GET1: variants seen among roughly 807,000 people sequenced by gnomAD.
GET1 encodes the protein congenital heart disease 5 protein.
A neutral mutation model predicts 22.6 loss-of-function variants in GET1; 20 were observed. That is an observed-to-expected ratio of 0.89 (90% CI 0.62 to 1.29). The LOEUF is 1.29. Ranked by LOEUF, GET1 falls within the 50% of genes most tolerant of loss-of-function variation. GET1 has a pLI of 0.00. For synonymous variants in GET1, 92 were observed against 83.8 expected (o/e 1.10, Z -0.53); for missense variants, 209 against 219.9 (o/e 0.95, Z 0.31).
intron 1 of GET1, among the ~76,000 whole-genome samples, chr21:39,425,417 A>C (rs1026298631): frequency 2.0e-5 from 3 of 152,210 alleles, no homozygotes; most frequent in African/African-American, 7.2e-5. Flanking sequence ...AACATCAATA[A>C]CTGGTGGCCT....
chr21:39,422,663 CAG>C, intron 1 of GET1: 1 of 433,374 alleles, frequency 2.3e-6, no homozygotes, highest in Non-Finnish European at 4.0e-6. Context: ...CTTTTCAGCA[CAG>C]GGAAAAAGTC....
rs2038304782 is a variant in GET1 at position 39,391,651 on chromosome 21, G to A, written c.269-118G>A. The A allele has an allele frequency of 5.2e-6, 5 of 960,294 alleles. No individual in the cohort carries two copies. The South Asian group carries it at 6.0e-5, about 12-fold the overall frequency. The allele number at this position is 960,294 out of a possible 1,614,324, so 59.5% of individuals were successfully genotyped here. A position where few individuals can be genotyped will look rare whatever the true frequency, so the allele number is the denominator to read the frequency against. On this transcript the variant is annotated intron_variant, in intron 2 of 4. Transcript: ENST00000649170. The stretch of plus-strand genomic sequence containing the variant: ...TTTATATTTTCTAAATATGTTGAGC[G>A]ATTGTTCCATTTATAATCAGAAAGT...
chr21:39,387,343 C>G (rs957571282), intron 1 of GET1, among the ~76,000 whole-genome samples: 1 of 152,092 alleles, frequency 6.6e-6, no homozygotes, highest in Non-Finnish European at 1.5e-5. Flanking sequence ...ATCTCTTTTT[C>G]TTTTTAAAAT....
At chr21:39,389,062 G>T (rs533865971) in intron 1 of GET1, among the ~76,000 whole-genome samples, 26 of 152,058 alleles carry the variant, frequency 1.7e-4, no homozygotes, top group Admixed American at 9.8e-4. Flanking sequence ...CTGCCTGCCT[G>T]CCTTCCTTCC....
intron 1 of GET1, among the ~76,000 whole-genome samples, chr21:39,425,458 A>AT (rs750738236): frequency 6.6e-5 from 10 of 152,184 alleles, no homozygotes; most frequent in Non-Finnish European, 1.2e-4. Context: ...AAGTGTATTT[A>AT]TTTTCCCATG....
chr21:39,402,489 A>G (rs970480953), downstream of GET1, among the ~76,000 whole-genome samples: 1 of 152,154 alleles, frequency 6.6e-6, no homozygotes, highest in African/African-American at 2.4e-5. Flanking sequence ...CGGACCCCCT[A>G]ACTTGGGCTG....
intron 4 of GET1, among the ~76,000 whole-genome samples, chr21:39,405,233 G>T (rs1012646914): frequency 6.6e-6 from 1 of 151,838 alleles, no homozygotes; most frequent in Admixed American, 6.6e-5. Flanking sequence ...GTCTCACTCC[G>T]ATTGCCCAAG....
At chr21:39,392,890 A>G (rs2146979716) in intron 3 of GET1, 1 of 386,966 alleles carries the variant, frequency 2.6e-6, no homozygotes, top group African/African-American at 2.0e-5. Flanking sequence ...AAACAGTGAA[A>G]TGCCAGTTCA....
At chr21:39,382,346 C>T (rs1236028206) in intron 1 of GET1, among the ~76,000 whole-genome samples, 2 of 152,184 alleles carry the variant, frequency 1.3e-5, no homozygotes, top group African/African-American at 2.4e-5. Flanking sequence ...TGTGCCACCA[C>T]GCCTGGCCCC....
In GET1 at chr21:39,421,169, C is replaced by T. The variant is rs945445566; in HGVS notation, c.*24-7063C>T. ...CCAGGCTGGAATGCAGTGGTGCGAT[C>T]TCGGCTCACTGCAGCCTCCACCTCC... On this transcript the variant is annotated intron_variant, in intron 1 of 1. Transcript: ENST00000478273. 2.0e-5 allele frequency among the ~76,000 whole-genome samples: 3 copies of T among 147,468 alleles called. No homozygotes were observed. The South Asian group carries it at 6.5e-4, about 32-fold the overall frequency.
At chr21:39,417,779 T>G (rs957677758) in intron 1 of GET1, among the ~76,000 whole-genome samples, 16 of 152,056 alleles carry the variant, frequency 1.1e-4, no homozygotes, top group African/African-American at 3.6e-4. Context: ...TTTTAATTTT[T>G]TTTTGAGATG....
downstream of GET1, among the ~76,000 whole-genome samples, chr21:39,402,112 T>C (rs944176065): frequency 2.6e-5 from 4 of 151,988 alleles, no homozygotes; most frequent in African/African-American, 9.7e-5. Context: ...ATTAATTAAT[T>C]AGTTTATTTG....
intron 1 of GET1, among the ~76,000 whole-genome samples, chr21:39,389,226 C>G (rs2146956102): frequency 6.6e-6 from 1 of 152,264 alleles, no homozygotes; most frequent in South Asian, 2.1e-4. Context: ...CCTGCCTTGG[C>G]CTCCCAAAGT....
intron 1 of GET1, among the ~76,000 whole-genome samples, chr21:39,415,242 G>A (rs1334238151): frequency 6.6e-6 from 1 of 152,098 alleles, no homozygotes; most frequent in East Asian, 1.9e-4. Context: ...TGGGGCTTTG[G>A]CAGGGAGGGA....
chr21:39,393,793 G>A (rs1601631545), intron 4 of GET1, among the ~76,000 whole-genome samples: 1 of 152,080 alleles, frequency 6.6e-6, no homozygotes, highest in East Asian at 1.9e-4. Context: ...GAAATTACAG[G>A]CATGCACTAC....
intron 1 of GET1, chr21:39,420,910 G>T: frequency 8.3e-7 from 1 of 1,205,804 alleles, no homozygotes; most frequent in Non-Finnish European, 1.2e-6. Context: ...CAATTATCAT[G>T]GAACTAACTA....
At chr21:39,415,694 A>G (rs561990436) in intron 1 of GET1, among the ~76,000 whole-genome samples, 1 of 152,360 alleles carries the variant, frequency 6.6e-6, no homozygotes, top group South Asian at 2.1e-4. Context: ...GAATCTAAAC[A>G]AGGTTCAAAA....
chr21:39,425,625 G>C (rs2074540464), intron 1 of GET1, among the ~76,000 whole-genome samples: 2 of 152,158 alleles, frequency 1.3e-5, no homozygotes. Context: ...TAATACTCTG[G>C]GCACTGGCTA....
At chr21:39,405,423 G>A (rs2038990748) in intron 4 of GET1, among the ~76,000 whole-genome samples, 1 of 152,118 alleles carries the variant, frequency 6.6e-6, no homozygotes, top group Admixed American at 6.6e-5. Flanking sequence ...TAAACTCCTG[G>A]ACTCAAGTGA....
Sources: gnomAD v4.1 joint callset for allele counts (sites outside exome capture counted in the v4.1 genomes callset) on GRCh38, gnomAD v4.1.1 for gene constraint, MANE v1.5 for transcripts, NCBI Gene and HGNC (gene_info 2026-07-23, HGNC 2026-07-21) for gene names.